SPRR2F: variants seen among roughly 807,000 people sequenced by gnomAD.
SPRR2F encodes the protein small proline-rich protein 2F.
Under a neutral mutation model 0.8 loss-of-function variants are expected in SPRR2F, and 2 were observed. The ratio of observed to expected loss-of-function variants is 2.52; its 90% CI spans 1.03 to 7.95. The LOEUF (loss-of-function observed/expected upper bound fraction) is 7.95. Among genes scored for constraint, SPRR2F ranks in the 30% most tolerant of loss-of-function variants. The pLI, the probability that SPRR2F is intolerant of heterozygous loss-of-function variation, is 0.04. For synonymous variants in SPRR2F, 39 were observed against 33.4 expected (o/e 1.17, Z -0.58); for missense variants, 80 against 85.8 (o/e 0.93, Z 0.27).
upstream of SPRR2F, among the ~76,000 whole-genome samples, chr1:153,116,025 AAT>A (rs550910230): frequency 6.6e-6 from 1 of 152,216 alleles, no homozygotes; most frequent in Non-Finnish European, 1.5e-5. Flanking sequence ...CTGGCAAATT[AAT>A]ATTCTGCCAT....
chr1:153,117,214 C>T (rs1655737166), upstream of SPRR2F, among the ~76,000 whole-genome samples: 2 of 151,782 alleles, frequency 1.3e-5, no homozygotes, highest in Admixed American at 1.3e-4. Context: ...ATGGGCTAAC[C>T]GTGACACTTA....
the SPRR2F span, among the ~76,000 whole-genome samples, chr1:153,118,638 C>T: frequency 4.0e-3 from 602 of 152,040 alleles, 9 homozygotes; most frequent in African/African-American, 0.013. Context: ...AAAATGAGGG[C>T]GAAATTATAA....
chr1:153,112,370 T>G lies in SPRR2F; in HGVS notation c.*145A>C. 7.0e-7 allele frequency: 1 copy of G among 1,420,110 alleles called. No individual in the cohort carries two copies. The highest frequency in any genetic ancestry group is 9.5e-7 in the Non-Finnish European group (1 of 1,051,904). The allele number at this position is 1,420,110 out of a possible 1,614,324, so 88.0% of individuals were successfully genotyped here. A position where few individuals can be genotyped will look rare whatever the true frequency, so the allele number is the denominator to read the frequency against. On this transcript the variant is annotated 3_prime_UTR_variant, in exon 2 of 2. Coordinates refer to ENST00000468739, the MANE Select transcript of SPRR2F (RefSeq NM_001014450.3). ...AAAGAAAACCTTTTGCTATCAGAGA[T>G]CATCACAGGCCGATCACAGGCTAAG...
chr1:153,118,861 T>C, the SPRR2F span, among the ~76,000 whole-genome samples: 6 of 152,178 alleles, frequency 3.9e-5, no homozygotes, highest in Non-Finnish European at 8.8e-5. Context: ...TTTTATTTTC[T>C]ACAGGATTTA....
chr1:153,112,711 C>T lies in SPRR2F; in HGVS notation c.23G>A (p.Cys8Tyr). The T allele has an allele frequency of 6.2e-7, 1 of 1,612,062 alleles. No homozygotes were observed. Residue 8 changes from cysteine (C) to tyrosine (Y), a missense_variant, in exon 2 of 2, where the codon TGC (cysteine) becomes TAC (tyrosine). Physicochemically the swap from Cys to Tyr is radical, Grantham distance 194. Coordinates refer to ENST00000468739, the MANE Select transcript of SPRR2F (RefSeq NM_001014450.3). MSYQQQQCKQPCQPPPVC... is the reference protein window; with the variant it reads MSYQQQQYKQPCQPPPVC... ...AGGAGGTGGCTGGCAGGGCTGCTTG[C>T]ACTGCTGCTGTTGATAAGACATCCT...
At position 153,112,156 on chromosome 1, in the gene SPRR2F, A is replaced by T. The variant is rs1174442966; in HGVS notation, c.*359T>A. 2.3e-5 allele frequency: 8 copies of T among 355,092 alleles called. No homozygotes were observed. The highest frequency in any genetic ancestry group is 3.6e-5 in the Non-Finnish European group (7 of 196,976). 22.0% of individuals were successfully genotyped at this position (355,092 alleles called of 1,614,324 possible). A position where few individuals can be genotyped will look rare whatever the true frequency, so the allele number is the denominator to read the frequency against. Reference sequence around the variant, plus strand: ...GATTCTTTATTCAGGGAGTGAAAGGAAAGTGACAACTGCACAGGTGGTGGA... The same window carrying T: ...GATTCTTTATTCAGGGAGTGAAAGGTAAGTGACAACTGCACAGGTGGTGGA... On this transcript the variant is annotated 3_prime_UTR_variant, in exon 2 of 2. Transcript: ENST00000468739.
chr1:153,118,823 T>C, the SPRR2F span, among the ~76,000 whole-genome samples: 1 of 152,172 alleles, frequency 6.6e-6, no homozygotes, highest in Admixed American at 6.5e-5. Context: ...AAGCCAGCAT[T>C]ATTGTAATTT....
chr1:153,113,977 G>A (rs1347028826), upstream of SPRR2F, among the ~76,000 whole-genome samples: 1 of 147,172 alleles, frequency 6.8e-6, no homozygotes, highest in Non-Finnish European at 1.5e-5. Context: ...ACAAAGGCCT[G>A]GGTTCTGGTC....
chr1:153,114,797 G>A (rs1172163461), upstream of SPRR2F, among the ~76,000 whole-genome samples: 3 of 152,102 alleles, frequency 2.0e-5, no homozygotes, highest in Non-Finnish European at 2.9e-5. Flanking sequence ...TATTGTCAAT[G>A]CATATAGTGA....
chr1:153,114,111 G>A (rs1655669442), upstream of SPRR2F, among the ~76,000 whole-genome samples: 1 of 147,414 alleles, frequency 6.8e-6, no homozygotes, highest in Non-Finnish European at 1.5e-5. Context: ...GGAGATGGGA[G>A]CTGACCGCAT....
chr1:153,115,726 C>G (rs765518702), upstream of SPRR2F, among the ~76,000 whole-genome samples: 10 of 152,152 alleles, frequency 6.6e-5, no homozygotes, highest in Non-Finnish European at 1.5e-4. Context: ...ATCTATCTAT[C>G]TATCTATCTT....
chr1:153,118,348 A>G (rs1002085525), upstream of SPRR2F, among the ~76,000 whole-genome samples: 1 of 152,154 alleles, frequency 6.6e-6, no homozygotes, highest in African/African-American at 2.4e-5. Flanking sequence ...TGACTTCAGT[A>G]AAAGATAAAT....
chr1:153,112,893 T>C, intron 1 of SPRR2F, 141 bp from the exon 2 acceptor site: 1 of 1,371,710 alleles, frequency 7.3e-7, no homozygotes. Context: ...CAAGAGTCCC[T>C]GGCTTCTCAC....
chr1:153,118,555 G>A, the SPRR2F span, among the ~76,000 whole-genome samples: 1 of 151,994 alleles, frequency 6.6e-6, no homozygotes, highest in African/African-American at 2.4e-5. Context: ...GGAGGCAGTG[G>A]GATGATATAA....
intron 1 of SPRR2F, 137 bp from the exon 2 acceptor site, chr1:153,112,889 TC>T: frequency 7.2e-7 from 1 of 1,387,998 alleles, no homozygotes; most frequent in South Asian, 1.5e-5. Flanking sequence ...TTTTCAAGAG[TC>T]CCTGGCTTCT....
Position 153,112,462 on chromosome 1 carries a change from G to C in SPRR2F, c.*53C>G. ...GAAGATGCAGGTGGAGCTGTGGAAC[G>C]AGGTGAGCCAATTATCCTTATCCTT... is the stretch of plus-strand genomic sequence containing the variant. On this transcript the variant is annotated 3_prime_UTR_variant, in exon 2 of 2. Coordinates refer to ENST00000468739, the MANE Select transcript of SPRR2F (RefSeq NM_001014450.3). 1.3e-6 allele frequency: 2 copies of C among 1,570,034 alleles called. No individual in the cohort carries two copies. Among genetic ancestry groups the C allele is most frequent in the Non-Finnish European group, 1.7e-6 (2 of 1,157,192 alleles).
chr1:153,112,830 G>A (rs34115170), intron 1 of SPRR2F, 78 bp from the exon 2 acceptor site: 628,333 of 1,579,700 alleles, frequency 0.4, 134,358 homozygotes, highest in Non-Finnish European at 0.45. Context: ...TAATACCATG[G>A]CATATTATTT....
upstream of SPRR2F, among the ~76,000 whole-genome samples, chr1:153,113,992 ATTTTTTTTTTTTTTT>A (rs1171281660): frequency 1.3e-5 from 1 of 78,728 alleles, no homozygotes; most frequent in African/African-American, 5.1e-5. Flanking sequence ...CTGGTCCCAG[ATTTTTTTTTTTTTTT>A]TTTTTTTTTT....
upstream of SPRR2F, among the ~76,000 whole-genome samples, chr1:153,113,761 G>C (rs1484302890): frequency 6.6e-6 from 1 of 152,120 alleles, no homozygotes; most frequent in Non-Finnish European, 1.5e-5. Context: ...GGCAAAGAGG[G>C]ACTTGGGGGA....
Sources: allele counts gnomAD v4.1 joint callset (sites outside exome capture counted in the v4.1 genomes callset), GRCh38; gene constraint gnomAD v4.1.1; transcripts MANE v1.5; gene names NCBI Gene and HGNC (gene_info 2026-07-23, HGNC 2026-07-21).